CRPPA: variants seen among roughly 807,000 people sequenced by gnomAD.
CRPPA encodes D-ribitol-5-phosphate cytidylyltransferase.
CRPPA carries 43 observed loss-of-function variants against 52.0 expected under a neutral mutation model. The observed-to-expected ratio is 0.83, with a 90% confidence interval of 0.65 to 1.07. CRPPA has a LOEUF of 1.07. Among genes scored for constraint, CRPPA ranks in the 50% least tolerant of loss-of-function variants. The pLI, the probability that CRPPA is intolerant of heterozygous loss-of-function variation, is 0.00. For missense variants in CRPPA, 629 were observed against 551.7 expected (o/e 1.14, Z -1.40); for synonymous variants, 250 against 203.5 (o/e 1.23, Z -1.94).
intron 5 of CRPPA, among the ~76,000 whole-genome samples, chr7:16,291,772 T>G (rs1478200990): frequency 6.6e-6 from 1 of 151,870 alleles, no homozygotes. Flanking sequence ...ATGTTTGAGA[T>G]GATTGATACC....
chr7:16,410,040 C>G (rs1024343067), intron 1 of CRPPA, among the ~76,000 whole-genome samples: 1 of 152,174 alleles, frequency 6.6e-6, no homozygotes, highest in African/African-American at 2.4e-5. Context: ...TCTCATTACC[C>G]TGACTAGCTA....
intron 1 of CRPPA, among the ~76,000 whole-genome samples, chr7:16,412,859 G>A (rs940996797): frequency 6.6e-6 from 1 of 152,152 alleles, no homozygotes; most frequent in Non-Finnish European, 1.5e-5. Flanking sequence ...TACAGACATT[G>A]AGGAAGAAAT....
At chr7:16,399,560 T>C (rs1474263100) in intron 2 of CRPPA, among the ~76,000 whole-genome samples, 3 of 151,670 alleles carry the variant, frequency 2.0e-5, no homozygotes, top group Non-Finnish European at 2.9e-5. Context: ...ATGAATGACA[T>C]GACACGTTTG....
At chr7:16,304,772 C>T (rs1784871385) in intron 4 of CRPPA, among the ~76,000 whole-genome samples, 1 of 152,180 alleles carries the variant, frequency 6.6e-6, no homozygotes, top group Admixed American at 6.5e-5. Flanking sequence ...AGTCTTTAAA[C>T]CAATGTGAAG....
At chr7:16,419,941 T>C (rs2128321100) in intron 1 of CRPPA, among the ~76,000 whole-genome samples, 1 of 152,356 alleles carries the variant, frequency 6.6e-6, no homozygotes, top group Non-Finnish European at 1.5e-5. Flanking sequence ...CAGCCGACTC[T>C]GCGTGAATTA....
At chr7:16,123,608 G>A (rs192086605) in intron 9 of CRPPA, among the ~76,000 whole-genome samples, 100 of 152,226 alleles carry the variant, frequency 6.6e-4, no homozygotes, top group Middle Eastern at 6.8e-3. Context: ...TAATAGTGAT[G>A]ATAAACTCTA....
intron 9 of CRPPA, among the ~76,000 whole-genome samples, chr7:16,199,854 CT>C (rs68003825): frequency 0.063 from 7,561 of 120,076 alleles, 309 homozygotes; most frequent in East Asian, 0.25. Flanking sequence ...TAAGCTTTTT[CT>C]TTTTTTTTTT....
chr7:16,196,754 T>C (rs1193308154), intron 9 of CRPPA, among the ~76,000 whole-genome samples: 1 of 152,122 alleles, frequency 6.6e-6, no homozygotes, highest in Non-Finnish European at 1.5e-5. Context: ...CCTATTTCTA[T>C]CACATCAAAC....
At chr7:16,287,919 AAGGAAGGGAGGG>A (rs1257210327) in intron 5 of CRPPA, among the ~76,000 whole-genome samples, 2 of 131,304 alleles carry the variant, frequency 1.5e-5, no homozygotes, top group East Asian at 5.5e-4. Context: ...GAAAGGAAGG[AAGGAAGGGAGGG>A]AGGGAGGGAG....
intron 8 of CRPPA, chr7:16,236,002 A>G (rs988198592): frequency 1.3e-5 from 2 of 152,088 alleles, no homozygotes; most frequent in Non-Finnish European, 2.9e-5. Context: ...TATTACTAAC[A>G]TTAACCTAAT....
intron 3 of CRPPA, among the ~76,000 whole-genome samples, chr7:16,318,743 C>A (rs773906095): frequency 6.6e-6 from 1 of 152,074 alleles, no homozygotes; most frequent in Non-Finnish European, 1.5e-5. Flanking sequence ...ACACATTTGG[C>A]CCTCCACCTA....
rs140918735 is a variant in CRPPA at position 16,316,485 on chromosome 7, A to T, written c.685-7858T>A. Among the ~76,000 whole-genome samples, 3 of 152,226 alleles carry T rather than the reference A, an allele frequency of 2.0e-5. No homozygotes were observed. In the East Asian group the frequency reaches 5.8e-4, roughly 29 times the overall value. Reference sequence around the variant, plus strand: ...CTTATGAGTTATGGTTTTGTTCCTGAACATATATATGGTTTTGTTCCTGAA... The same window carrying T: ...CTTATGAGTTATGGTTTTGTTCCTGTACATATATATGGTTTTGTTCCTGAA... On this transcript the variant is annotated intron_variant, in intron 3 of 9. Transcript: ENST00000407010.
intron 9 of CRPPA, among the ~76,000 whole-genome samples, chr7:16,213,031 G>A (rs1049083945): frequency 6.6e-6 from 1 of 152,114 alleles, no homozygotes; most frequent in Non-Finnish European, 1.5e-5. Flanking sequence ...AAGTTCACAT[G>A]CAAAATTGAA....
intron 3 of CRPPA, among the ~76,000 whole-genome samples, chr7:16,333,363 C>G (rs1192770716): frequency 6.6e-6 from 1 of 152,172 alleles, no homozygotes; most frequent in Non-Finnish European, 1.5e-5. Flanking sequence ...AAAACCACTT[C>G]TGAGGCCATT....
At chr7:16,328,498 G>T (rs1460680920) in intron 3 of CRPPA, among the ~76,000 whole-genome samples, 1 of 149,876 alleles carries the variant, frequency 6.7e-6, no homozygotes, top group African/African-American at 2.5e-5. Context: ...GCTATCTCCA[G>T]GGTTTTTGGG....
At chr7:16,183,755 T>C (rs145108391) in intron 9 of CRPPA, among the ~76,000 whole-genome samples, 44 of 152,176 alleles carry the variant, frequency 2.9e-4, no homozygotes, top group African/African-American at 9.9e-4. Flanking sequence ...GCCCCGTTGA[T>C]AGAACAGAGA....
chr7:16,149,094 T>C (rs1562526760), intron 9 of CRPPA, among the ~76,000 whole-genome samples: 1 of 152,186 alleles, frequency 6.6e-6, no homozygotes, highest in East Asian at 1.9e-4. Flanking sequence ...CCAATAAACA[T>C]ATTTAGAGTA....
intron 8 of CRPPA, among the ~76,000 whole-genome samples, chr7:16,219,642 C>A (rs1336598592): frequency 1.8e-5 from 2 of 111,690 alleles, no homozygotes; most frequent in African/African-American, 3.1e-5. Context: ...ATACAAACTA[C>A]CATCAGAGAA....
intron 8 of CRPPA, among the ~76,000 whole-genome samples, chr7:16,217,964 A>G (rs1471385288): frequency 4.6e-5 from 7 of 150,542 alleles, no homozygotes; most frequent in Non-Finnish European, 4.5e-5. Context: ...CTCCTCGAGA[A>G]GAGCAACTCC....
Sources: allele counts gnomAD v4.1 joint callset (sites outside exome capture counted in the v4.1 genomes callset), GRCh38; gene constraint gnomAD v4.1.1; transcripts MANE v1.5; gene names NCBI Gene and HGNC (gene_info 2026-07-23, HGNC 2026-07-21).